Variants in ATP2B2 observed in about 807,000 individuals in gnomAD.
ATP2B2 encodes ATPase plasma membrane Ca2+ transporting 2, also known as plasma membrane calcium-transporting ATPase 2.
ATP2B2 carries 15 observed loss-of-function variants against 120.0 expected under a neutral mutation model. The ratio of observed to expected loss-of-function variants is 0.12; its 90% CI spans 0.08 to 0.19. The LOEUF is 0.19. Ranked by LOEUF, ATP2B2 falls within the 10% of genes least tolerant of loss-of-function variation. ATP2B2 has a pLI of 1.00. For synonymous variants in ATP2B2, 694 were observed against 700.3 expected (o/e 0.99, Z 0.14); for missense variants, 1,045 against 1,719.8 (o/e 0.61, Z 6.94).
In ATP2B2 at chr3:10,340,363, G is replaced by A. The variant is rs371858275; in HGVS notation, c.3130-14C>T. 4.3e-6 allele frequency: 7 copies of A among 1,613,704 alleles called. No individual in the cohort carries two copies. The highest frequency in any genetic ancestry group is 5.9e-6 in the Non-Finnish European group (7 of 1,179,804). On this transcript the variant is annotated splice_polypyrimidine_tract_variant and intron_variant, in intron 20 of 22. Coordinates refer to ENST00000360273, the MANE Select transcript of ATP2B2 (RefSeq NM_001001331.4). The surrounding 1 kb of genome is among the most constrained non-coding windows in gnomAD (Gnocchi z 5.0). Reference sequence around the variant, plus strand: ...CACGATCACTATCTGGAGGTCACAGGGGAGCAGAGAAAGAGAGAGAGAGAG... The same window carrying A: ...CACGATCACTATCTGGAGGTCACAGAGGAGCAGAGAAAGAGAGAGAGAGAG...
intron 1 of ATP2B2, among the ~76,000 whole-genome samples, chr3:10,689,682 G>A (rs1445768471): frequency 2.0e-5 from 3 of 152,182 alleles, no homozygotes; most frequent in Non-Finnish European, 2.9e-5. Context: ...TCCTGCTGAG[G>A]ACGGGGAACC....
In ATP2B2 at chr3:10,517,636, C is replaced by T. The variant is rs117348591; in HGVS notation, c.-320+16403G>A. 5.7e-4 allele frequency among the ~76,000 whole-genome samples: 87 copies of T among 152,296 alleles called. 1 individual carries two copies. In the East Asian group the frequency reaches 0.016, roughly 28 times the overall value. On this transcript the variant is annotated intron_variant, in intron 3 of 21. Coordinates refer to the ATP2B2 transcript ENST00000646379. ...CATACCAGGCACCGGGCTAAGAAAG[C>T]CTTGAGGTGGAGTAAACTCACTGAA...
In ATP2B2 at chr3:10,438,676, C is replaced by T. The variant is rs559385590; in HGVS notation, c.199+10669G>A. On this transcript the variant is annotated intron_variant, in intron 2 of 22. Transcript: ENST00000360273. Reference sequence around the variant, plus strand: ...ATAATCGTTGTGGGGTGAGGAGGGCCTGTATAAATAACTTACCCGCCCTGT... The same window carrying T: ...ATAATCGTTGTGGGGTGAGGAGGGCTTGTATAAATAACTTACCCGCCCTGT... Among the ~76,000 whole-genome samples, 13 of 152,330 alleles carry T rather than the reference C, an allele frequency of 8.5e-5. No individual in the cohort carries two copies. The East Asian group carries it at 2.1e-3, about 25-fold the overall frequency.
intron 2 of ATP2B2, among the ~76,000 whole-genome samples, chr3:10,422,607 C>G (rs1026981165): frequency 2.6e-5 from 4 of 152,228 alleles, no homozygotes; most frequent in African/African-American, 9.6e-5. Flanking sequence ...CAGTTATGTG[C>G]TCATAGCAGA....
At chr3:10,391,157 C>G (rs1048048184) in intron 5 of ATP2B2, among the ~76,000 whole-genome samples, 13 of 152,176 alleles carry the variant, frequency 8.5e-5, no homozygotes, top group African/African-American at 3.1e-4. Context: ...ACATGCTGCC[C>G]TCCACGCTCA....
intron 1 of ATP2B2, among the ~76,000 whole-genome samples, chr3:10,468,757 C>T (rs552646099): frequency 9.2e-5 from 14 of 152,310 alleles, no homozygotes; most frequent in African/African-American, 2.6e-4. Flanking sequence ...AGGCAGGTCT[C>T]GTCTTGGGTT....
chr3:10,527,180 T>G (rs184354078), intron 3 of ATP2B2, among the ~76,000 whole-genome samples: 2 of 152,346 alleles, frequency 1.3e-5, no homozygotes, highest in South Asian at 2.1e-4. Flanking sequence ...GCATCAACCT[T>G]GCTGCCTCTG....
intron 1 of ATP2B2, among the ~76,000 whole-genome samples, chr3:10,622,290 C>T (rs2069574203): frequency 6.6e-6 from 1 of 152,168 alleles, no homozygotes. Flanking sequence ...GCAATCTGTC[C>T]TCACTAGTGA....
At chr3:10,702,102 G>A (rs751450295) in intron 1 of ATP2B2, among the ~76,000 whole-genome samples, 3 of 152,076 alleles carry the variant, frequency 2.0e-5, no homozygotes, top group Non-Finnish European at 2.9e-5. Flanking sequence ...TGGGCTTCCC[G>A]CTACCCAGAG....
chr3:10,376,291 CAT>C (rs1016433620), intron 10 of ATP2B2, among the ~76,000 whole-genome samples: 1 of 152,138 alleles, frequency 6.6e-6, no homozygotes, highest in Admixed American at 6.5e-5. Context: ...TAGAAAGTGA[CAT>C]GGGGGACAGG....
intron 2 of ATP2B2, among the ~76,000 whole-genome samples, chr3:10,548,527 T>C (rs570972527): frequency 2.6e-5 from 4 of 152,296 alleles, no homozygotes; most frequent in Admixed American, 2.6e-4. Context: ...TGGCAGTTGG[T>C]GTATAGATAG....
chr3:10,592,024 G>T (rs114979201), intron 2 of ATP2B2, among the ~76,000 whole-genome samples: 1,620 of 152,280 alleles, frequency 0.011, 31 homozygotes, highest in African/African-American at 0.035. Context: ...GGACCTCAAG[G>T]TGGAGAAGGA....
intron 3 of ATP2B2, among the ~76,000 whole-genome samples, chr3:10,517,765 T>C (rs1436433604): frequency 1.3e-5 from 2 of 152,236 alleles, no homozygotes; most frequent in Non-Finnish European, 2.9e-5. Context: ...CACCAGGCAG[T>C]GACAGCTCCA....
chr3:10,449,540 C>A lies in ATP2B2; in HGVS notation c.4G>T (p.Gly2Cys). Residue 2 changes from glycine (G) to cysteine (C), a missense_variant, in exon 2 of 23, where the codon GGT (glycine) becomes TGT (cysteine). Gly to Cys is a radical substitution (Grantham distance 159). Transcript: ENST00000360273. ...TAAAAGTCGCTGTTGGTCATGTCACCCATGTTTGCTGCGGTCCTTGCTCGG... is the reference window on the plus strand; with the variant it reads ...TAAAAGTCGCTGTTGGTCATGTCACACATGTTTGCTGCGGTCCTTGCTCGG... M[G>C]DMTNSDFYSK... The A allele has an allele frequency of 6.2e-7, 1 of 1,614,238 alleles. No homozygotes were observed. The highest frequency in any genetic ancestry group is 8.5e-7 in the Non-Finnish European group (1 of 1,180,040).
At chr3:10,478,582 G>C (rs570417841) in intron 1 of ATP2B2, among the ~76,000 whole-genome samples, 75 of 152,242 alleles carry the variant, frequency 4.9e-4, no homozygotes, top group African/African-American at 1.6e-3. Flanking sequence ...GCTCCCCTGG[G>C]ATTTGCTGTT....
In ATP2B2 at chr3:10,346,364, C is replaced by T. The variant is rs543561253; in HGVS notation, c.2405-227G>A. On this transcript the variant is annotated intron_variant, in intron 16 of 22. Transcript: ENST00000360273. This position sits in a 1 kb window ranked among gnomAD's most constrained non-coding sequence, Gnocchi z 4.1. ...TGCCGACTTGGGGCCCCCTGTGGCC[C>T]GGGCCCTGCTCACCTCTCCAGCCCC... Among the ~76,000 whole-genome samples the T allele has an allele frequency of 3.3e-5, 5 of 152,366 alleles. No homozygotes were observed. Among genetic ancestry groups the T allele is most frequent in the Admixed American group, 6.5e-5 (1 of 15,314 alleles).
intron 12 of ATP2B2, among the ~76,000 whole-genome samples, chr3:10,367,232 T>C (rs530684013): frequency 4.3e-4 from 65 of 152,238 alleles, no homozygotes; most frequent in African/African-American, 1.5e-3. Context: ...TTAAGATCTC[T>C]GGGCCTTTGC....
rs1430424392 is a variant in ATP2B2, at chr3:10,329,064, C to T, written c.3482G>A (p.Arg1161Gln). 3.1e-6 allele frequency: 5 copies of T among 1,613,520 alleles called. No individual in the cohort carries two copies. Among genetic ancestry groups the T allele is most frequent in the East Asian group, 2.2e-5 (1 of 44,818 alleles). ...LYEGLEKPES[R>Q]TSIHNFMAHP... is the part of the protein sequence containing the mutation. ...AGCCATGAAGTTATGGATGGAGGTT[C>T]GAGATTCAGGCTTTTCTAAACCTTC... is the stretch of plus-strand genomic sequence containing the variant. The change falls in exon 23 of 23, where the codon CGA becomes CAA. Residue 1161 changes from arginine to glutamine, a missense_variant. Around this residue, in one of 11 missense-constraint regions of ATP2B2, gnomAD observed 211 missense variants for 385.1 expected, o/e 0.55. Coordinates refer to ENST00000360273, the MANE Select transcript of ATP2B2 (RefSeq NM_001001331.4). The surrounding 1 kb of genome is among the most constrained non-coding windows in gnomAD (Gnocchi z 5.9).
rs371539362 is a variant in ATP2B2, at chr3:10,360,143, C to T, written c.1660-20G>A. On this transcript the variant is annotated intron_variant, in intron 12 of 22. Coordinates refer to ENST00000360273, the MANE Select transcript of ATP2B2 (RefSeq NM_001001331.4). ...TGGGGGCTGCAGAGAGAGGAAGGAG[C>T]GGCTGGCACCTGGTGGGGCCTGTGT... 4.8e-5 allele frequency: 75 copies of T among 1,567,734 alleles called. No homozygotes were observed. The East Asian group carries it at 5.9e-4, about 12-fold the overall frequency.
Sources: allele counts gnomAD v4.1 joint callset (sites outside exome capture counted in the v4.1 genomes callset), GRCh38; gene constraint gnomAD v4.1.1; regional missense constraint gnomAD v4.1.1; non-coding constraint Gnocchi (gnomAD v3.1); transcripts MANE v1.5; gene names NCBI Gene and HGNC (gene_info 2026-07-23, HGNC 2026-07-21).